The following PKIB variants were observed in gnomAD, a reference collection of about 807,000 sequenced individuals.
The protein encoded by PKIB is PKI-beta.
PKIB carries 2 observed loss-of-function variants against 4.5 expected under a neutral mutation model. The observed-to-expected ratio is 0.44, with a 90% CI of 0.18 to 1.39. The LOEUF is 1.39. PKIB is among the 40% of genes most tolerant of loss of function. The probability of loss-of-function intolerance (pLI) is 0.27; values close to 1 mark genes in which losing one functional copy is unlikely to be tolerated. For synonymous variants in PKIB, 38 were observed against 36.0 expected (o/e 1.06, Z -0.20); for missense variants, 94 against 92.6 (o/e 1.02, Z -0.06).
intron 2 of PKIB, among the ~76,000 whole-genome samples, chr6:122,639,396 GTTTGC>G (rs1300072154): frequency 2.6e-5 from 4 of 152,186 alleles, no homozygotes; most frequent in Non-Finnish European, 4.4e-5. Context: ...GTCAATTAAT[GTTTGC>G]AGTGTGCCAA....
At chr6:122,704,621 T>C (rs907468660) in intron 3 of PKIB, among the ~76,000 whole-genome samples, 6 of 151,386 alleles carry the variant, frequency 4.0e-5, no homozygotes, top group African/African-American at 1.5e-4. Context: ...AACGGTATGA[T>C]GGATATACAC....
At chr6:122,651,852 G>A (rs530987313) in intron 2 of PKIB, among the ~76,000 whole-genome samples, 4 of 152,290 alleles carry the variant, frequency 2.6e-5, no homozygotes, top group Admixed American at 6.5e-5. Flanking sequence ...ACAGTTGGCA[G>A]CAACCTGCCA....
chr6:122,483,699 A>G (rs1246992188), intron 2 of PKIB: 4 of 152,216 alleles, frequency 2.6e-5, no homozygotes, highest in African/African-American at 4.8e-5. Flanking sequence ...AGGCAAATAT[A>G]TGGGAAACTA....
intron 2 of PKIB, among the ~76,000 whole-genome samples, chr6:122,517,936 C>A (rs1383504623): frequency 6.6e-6 from 1 of 152,074 alleles, no homozygotes; most frequent in Non-Finnish European, 1.5e-5. Context: ...TAAATAACTC[C>A]AAAAATAGTT....
chr6:122,476,116 T>C (rs1300255168), intron 1 of PKIB, among the ~76,000 whole-genome samples: 1 of 152,172 alleles, frequency 6.6e-6, no homozygotes, highest in Middle Eastern at 3.2e-3. Flanking sequence ...CTAAATATAA[T>C]GAGGACTGAA....
chr6:122,492,402 C>T (rs1033599447), intron 2 of PKIB, among the ~76,000 whole-genome samples: 8 of 152,192 alleles, frequency 5.3e-5, no homozygotes, highest in African/African-American at 1.7e-4. Context: ...ATGGTTACTT[C>T]GGGCTCTTTA....
At chr6:122,632,676 C>T (rs1159407127) in intron 1 of PKIB, among the ~76,000 whole-genome samples, 12 of 152,218 alleles carry the variant, frequency 7.9e-5, no homozygotes, top group African/African-American at 2.4e-4. Context: ...AGGCATTATG[C>T]GTAGACTGGA....
At chr6:122,630,365 G>T (rs1029044017) in intron 1 of PKIB, among the ~76,000 whole-genome samples, 1 of 152,036 alleles carries the variant, frequency 6.6e-6, no homozygotes, top group African/African-American at 2.4e-5. Context: ...GCCTAAAAAA[G>T]GAAAGAAATT....
intron 2 of PKIB, among the ~76,000 whole-genome samples, chr6:122,504,970 T>C (rs1776352352): frequency 6.6e-6 from 1 of 152,172 alleles, no homozygotes; most frequent in African/African-American, 2.4e-5. Flanking sequence ...AAATGGAGGC[T>C]GCAAAACGCC....
At chr6:122,492,652 T>A (rs1230789426) in intron 2 of PKIB, among the ~76,000 whole-genome samples, 1 of 152,172 alleles carries the variant, frequency 6.6e-6, no homozygotes, top group Admixed American at 6.5e-5. Context: ...TAACATTTTA[T>A]GTTTTATTTT....
intron 3 of PKIB, among the ~76,000 whole-genome samples, chr6:122,695,826 C>A (rs1332230482): frequency 1.3e-5 from 2 of 152,080 alleles, no homozygotes; most frequent in African/African-American, 4.8e-5. Context: ...TCAGTTGTTT[C>A]TTTTGAATTG....
chr6:122,536,599 A>G (rs1777412986), intron 2 of PKIB, among the ~76,000 whole-genome samples: 1 of 152,172 alleles, frequency 6.6e-6, no homozygotes. Flanking sequence ...TTCTTTTTTA[A>G]TGAGTGCATT....
intron 3 of PKIB, among the ~76,000 whole-genome samples, chr6:122,593,695 CCTTA>C (rs1350622549): frequency 5.9e-4 from 89 of 152,108 alleles, no homozygotes; most frequent in African/African-American, 2.0e-3. Context: ...AATGTAAAAG[CCTTA>C]CTTAATTTTA....
In PKIB at chr6:122,725,229, G is replaced by A. The variant is rs1562322649; in HGVS notation, c.*34G>A. ...AATCTATCAAGAGTGCTGAATTTCTGCATGTTGAAAGACTTAGTGGTTCTG... is the reference window on the plus strand; with the variant it reads ...AATCTATCAAGAGTGCTGAATTTCTACATGTTGAAAGACTTAGTGGTTCTG... On this transcript the variant is annotated 3_prime_UTR_variant, in exon 5 of 5. Transcript: ENST00000368452. 2 of 1,550,552 alleles carry A rather than the reference G, an allele frequency of 1.3e-6. No individual in the cohort carries two copies. The highest frequency in any genetic ancestry group is 1.8e-6 in the Non-Finnish European group (2 of 1,134,424).
intron 2 of PKIB, among the ~76,000 whole-genome samples, chr6:122,491,589 G>A (rs1019241810): frequency 6.6e-6 from 1 of 152,156 alleles, no homozygotes; most frequent in Non-Finnish European, 1.5e-5. Context: ...GGCAAACCAA[G>A]TCTTCCTGAA....
intron 3 of PKIB, among the ~76,000 whole-genome samples, chr6:122,601,223 G>A (rs1009665623): frequency 2.0e-5 from 3 of 151,998 alleles, no homozygotes; most frequent in African/African-American, 7.3e-5. Context: ...AAAGGAGATG[G>A]GTTGAAGGAA....
chr6:122,572,967 T>G (rs986348603), intron 2 of PKIB, among the ~76,000 whole-genome samples: 2 of 152,030 alleles, frequency 1.3e-5, no homozygotes, highest in Non-Finnish European at 2.9e-5. Flanking sequence ...GCAGCAAGAT[T>G]AAATCAGTAA....
At chr6:122,539,609 C>A (rs1777524551) in intron 2 of PKIB, among the ~76,000 whole-genome samples, 1 of 152,010 alleles carries the variant, frequency 6.6e-6, no homozygotes, top group African/African-American at 2.4e-5. Context: ...ATTGTTGCAT[C>A]AATGTTCATC....
intron 2 of PKIB, among the ~76,000 whole-genome samples, chr6:122,637,834 A>G (rs1305327218): frequency 6.6e-6 from 1 of 152,136 alleles, no homozygotes; most frequent in Non-Finnish European, 1.5e-5. Context: ...TAATATGGAA[A>G]GATGAATTGT....
Sources: allele counts gnomAD v4.1 joint callset (sites outside exome capture counted in the v4.1 genomes callset), GRCh38; gene constraint gnomAD v4.1.1; transcripts MANE v1.5; gene names NCBI Gene and HGNC (gene_info 2026-07-23, HGNC 2026-07-21).